The following DLGAP2 variants were observed in gnomAD, a reference collection of about 807,000 sequenced individuals.
DLGAP2 encodes the protein disks large-associated protein 2.
DLGAP2 carries 26 observed loss-of-function variants against 100.3 expected under a neutral mutation model. The ratio of observed to expected loss-of-function variants is 0.26; its 90% confidence interval spans 0.19 to 0.36. The LOEUF (loss-of-function observed/expected upper bound fraction) is 0.36, where lower values mean the gene tolerates loss of function less well. Among genes scored for constraint, DLGAP2 ranks in the 10% least tolerant of loss-of-function variants. The probability of loss-of-function intolerance (pLI) is 1.00; values close to 1 mark genes in which losing one functional copy is unlikely to be tolerated. For synonymous variants in DLGAP2, 886 were observed against 630.1 expected (o/e 1.41, Z -6.08); for missense variants, 1,858 against 1,453.2 (o/e 1.28, Z -4.53).
chr8:1,517,453 C>T (rs1304670215), intron 4 of DLGAP2, among the ~76,000 whole-genome samples: 1 of 152,140 alleles, frequency 6.6e-6, no homozygotes. Context: ...CGTTTCCCCA[C>T]CCCCTGCTCC....
intron 3 of DLGAP2, among the ~76,000 whole-genome samples, chr8:1,287,670 TAGG>T (rs1554434853): frequency 1.1e-4 from 11 of 98,692 alleles, no homozygotes; most frequent in South Asian, 3.7e-4. Flanking sequence ...ATGGTTCTGT[TAGG>T]AGGGGAACTA....
intron 2 of DLGAP2, among the ~76,000 whole-genome samples, chr8:1,030,038 C>T (rs4300034): frequency 0.023 from 3,472 of 152,226 alleles, 175 homozygotes; most frequent in East Asian, 0.12. Context: ...AGGCTTATTA[C>T]CTGGATGTCA....
chr8:1,249,761 C>G (rs757471841), intron 2 of DLGAP2, among the ~76,000 whole-genome samples: 2 of 152,158 alleles, frequency 1.3e-5, no homozygotes, highest in Non-Finnish European at 2.9e-5. Context: ...CAGGGGTGGG[C>G]CATTTATTTT....
rs1034992889 is a variant in DLGAP2, at chr8:1,701,319, G to A, written c.3081G>A (p.Lys1027=). Residue 1027 remains lysine, a synonymous_variant, in exon 15 of 15, where the codon AAG becomes AAA. Transcript: ENST00000637795. ...QEARRRLMAA[K]RAASFRQNSA... ...CCCGGAGGCGCCTCATGGCCGCCAAGCGAGCGGCGTCCTTCCGGCAGAATT... is the reference window on the plus strand; with the variant it reads ...CCCGGAGGCGCCTCATGGCCGCCAAACGAGCGGCGTCCTTCCGGCAGAATT... 1.9e-6 allele frequency: 3 copies of A among 1,588,858 alleles called. No individual in the cohort carries two copies. The highest frequency in any genetic ancestry group is 2.7e-5 in the African/African-American group (2 of 74,406).
At chr8:1,219,591 C>T (rs74452751) in intron 2 of DLGAP2, among the ~76,000 whole-genome samples, 4,672 of 152,138 alleles carry the variant, frequency 0.031, 83 homozygotes, top group Middle Eastern at 0.061. Context: ...TTCTTTGTAT[C>T]TCTGCCAGGT....
At chr8:1,119,345 C>A (rs544886784) in intron 2 of DLGAP2, among the ~76,000 whole-genome samples, 15 of 152,236 alleles carry the variant, frequency 9.9e-5, no homozygotes, top group Non-Finnish European at 2.2e-4. Flanking sequence ...TAGAAAGAAG[C>A]TCCAGTTGCC....
At chr8:1,623,716 C>T (rs969853897) in intron 6 of DLGAP2, among the ~76,000 whole-genome samples, 6 of 152,356 alleles carry the variant, frequency 3.9e-5, no homozygotes, top group Middle Eastern at 6.8e-3. Context: ...CAGCAATGTG[C>T]GTCTGATGCT....
intron 2 of DLGAP2, among the ~76,000 whole-genome samples, chr8:1,132,610 C>G (rs1211324214): frequency 3.9e-5 from 6 of 152,214 alleles, no homozygotes. Flanking sequence ...AAGCCAGATG[C>G]TCACACCGAA....
chr8:1,176,180 C>T (rs1180643860), intron 2 of DLGAP2, among the ~76,000 whole-genome samples: 3 of 151,092 alleles, frequency 2.0e-5, no homozygotes, highest in Non-Finnish European at 1.5e-5. Context: ...GGAAGCAAGG[C>T]ACGTGTTACA....
intron 2 of DLGAP2, among the ~76,000 whole-genome samples, chr8:1,052,014 C>T (rs769768630): frequency 6.6e-6 from 1 of 152,174 alleles, no homozygotes; most frequent in African/African-American, 2.4e-5. Context: ...TGGGATGCCC[C>T]ACAAGGATGC....
intron 1 of DLGAP2, among the ~76,000 whole-genome samples, chr8:875,272 C>T (rs924218849): frequency 1.3e-5 from 2 of 152,076 alleles, no homozygotes; most frequent in African/African-American, 4.8e-5. Context: ...GTTGGATTTA[C>T]ATCTACTGTT....
At chr8:1,450,751 C>A (rs1798136774) in intron 3 of DLGAP2, among the ~76,000 whole-genome samples, 2 of 152,126 alleles carry the variant, frequency 1.3e-5, no homozygotes, top group Admixed American at 1.3e-4. Context: ...CTCCACGCAG[C>A]ATGGCTATGT....
chr8:1,169,049 G>A (rs1414192412), intron 2 of DLGAP2, among the ~76,000 whole-genome samples: 26 of 148,950 alleles, frequency 1.7e-4, no homozygotes, highest in Non-Finnish European at 3.1e-4. Context: ...ATCTTGAATT[G>A]ATTTTTGTAT....
intron 3 of DLGAP2, among the ~76,000 whole-genome samples, chr8:1,386,759 C>G (rs1378288227): frequency 6.6e-6 from 1 of 151,898 alleles, no homozygotes. Flanking sequence ...GCCACACCAG[C>G]ATAGAATGCG....
chr8:816,170 C>T (rs929845751), intron 1 of DLGAP2, among the ~76,000 whole-genome samples: 2 of 151,826 alleles, frequency 1.3e-5, no homozygotes, highest in Non-Finnish European at 2.9e-5. Flanking sequence ...TTCTACCATT[C>T]TGTATCTTTT....
At chr8:1,308,929 A>C (rs1800552064) in intron 3 of DLGAP2, among the ~76,000 whole-genome samples, 2 of 152,134 alleles carry the variant, frequency 1.3e-5, no homozygotes, top group Non-Finnish European at 2.9e-5. Context: ...TTTTTTTTTA[A>C]AGAAAACAGC....
chr8:817,052 A>C (rs1291999222), intron 1 of DLGAP2, among the ~76,000 whole-genome samples: 3 of 151,916 alleles, frequency 2.0e-5, no homozygotes, highest in Non-Finnish European at 2.9e-5. Context: ...GAGGCCGGAG[A>C]AAGGTGTGAA....
chr8:1,698,511 C>T (rs1293386063), intron 14 of DLGAP2, among the ~76,000 whole-genome samples: 319 of 102,200 alleles, frequency 3.1e-3, no homozygotes, highest in African/African-American at 0.013. Context: ...ACGTAAGCCA[C>T]ACATGGGACA....
At chr8:1,008,345 T>A (rs1801180238) in intron 2 of DLGAP2, among the ~76,000 whole-genome samples, 2 of 152,234 alleles carry the variant, frequency 1.3e-5, no homozygotes, top group African/African-American at 4.8e-5. Flanking sequence ...GTGTCTATAA[T>A]GTAGCCCAAG....
Sources: allele counts gnomAD v4.1 joint callset (sites outside exome capture counted in the v4.1 genomes callset), GRCh38; gene constraint gnomAD v4.1.1; transcripts MANE v1.5; gene names NCBI Gene and HGNC (gene_info 2026-07-23, HGNC 2026-07-21).